AFAP1L2: variants seen among roughly 807,000 people sequenced by gnomAD.
AFAP1L2 encodes the protein actin filament associated protein 1 like 2.
In AFAP1L2, 46 loss-of-function variants were observed where a neutral mutation model predicts 99.3. The observed-to-expected ratio is 0.46, with a 90% CI of 0.37 to 0.59. The LOEUF (loss-of-function observed/expected upper bound fraction) is 0.59, where lower values mean the gene tolerates loss of function less well. Ranked by LOEUF, AFAP1L2 falls within the 20% of genes least tolerant of loss-of-function variation. The pLI, the probability that AFAP1L2 is intolerant of heterozygous loss-of-function variation, is 0.00. For synonymous variants in AFAP1L2, 397 were observed against 419.1 expected (o/e 0.95, Z 0.64); for missense variants, 959 against 1,034.9 (o/e 0.93, Z 1.01).
At chr10:114,290,862 G>C (rs1401453412), downstream of AFAP1L2, among the ~76,000 whole-genome samples, 1 of 152,186 alleles carries the variant, frequency 6.6e-6, no homozygotes. Flanking sequence ...CTAGAGGTTT[G>C]AGAGAAAAGA....
At chr10:114,339,512 T>C (rs7903446) in intron 2 of AFAP1L2, among the ~76,000 whole-genome samples, 5,073 of 152,276 alleles carry the variant, frequency 0.033, 131 homozygotes, top group African/African-American at 0.062. Context: ...TGACCAGAGA[T>C]TTCTGGGGCT....
intron 1 of AFAP1L2, among the ~76,000 whole-genome samples, chr10:114,387,686 T>C (rs556447833): frequency 3.5e-4 from 53 of 152,360 alleles, no homozygotes; most frequent in African/African-American, 1.2e-3. Flanking sequence ...ATGGTTGCAA[T>C]GTCCAAGCCT....
chr10:114,283,669 T>C, the AFAP1L2 span, among the ~76,000 whole-genome samples: 1 of 152,250 alleles, frequency 6.6e-6, no homozygotes, highest in Non-Finnish European at 1.5e-5. Context: ...TATAGGGTTT[T>C]TATAGTTCCT....
At chr10:114,337,140 C>T (rs995409556) in intron 2 of AFAP1L2, among the ~76,000 whole-genome samples, 12 of 152,178 alleles carry the variant, frequency 7.9e-5, no homozygotes, top group Non-Finnish European at 1.8e-4. Context: ...CTGTCCTGTG[C>T]GACACGACAG....
At chr10:114,361,021 C>T (rs1262206158) in intron 1 of AFAP1L2, among the ~76,000 whole-genome samples, 1 of 152,174 alleles carries the variant, frequency 6.6e-6, no homozygotes, top group African/African-American at 2.4e-5. Flanking sequence ...CTGGGGAAGC[C>T]TCACAATCAT....
chr10:114,296,906 G>A, intron 18 of AFAP1L2, 72 bp downstream of exon 18: 1 of 1,611,146 alleles, frequency 6.2e-7, no homozygotes, highest in Non-Finnish European at 8.5e-7. Flanking sequence ...AGCACCACCT[G>A]GGTCAGAAGA....
At chr10:114,404,581 G>T (rs2058554498), upstream of AFAP1L2, 8 of 1,319,888 alleles carry the variant, frequency 6.1e-6, no homozygotes, top group South Asian at 1.3e-4. Flanking sequence ...ACCTCCTGGC[G>T]GGGCCGCCGC....
intron 5 of AFAP1L2, among the ~76,000 whole-genome samples, chr10:114,321,306 C>T (rs111581806): frequency 3.9e-5 from 6 of 152,020 alleles, no homozygotes; most frequent in African/African-American, 1.5e-4. Context: ...ATCACTCATG[C>T]CTTTGGGTCT....
chr10:114,331,700 G>T (rs1564893776), intron 4 of AFAP1L2, 103 bp downstream of exon 4: 15 of 806,960 alleles, frequency 1.9e-5, no homozygotes, highest in Non-Finnish European at 2.4e-5. Flanking sequence ...CACAGTAGCT[G>T]CTCAGAAAAT....
At chr10:114,403,835 G>A (rs992075770) in intron 1 of AFAP1L2, among the ~76,000 whole-genome samples, 1 of 152,158 alleles carries the variant, frequency 6.6e-6, no homozygotes, top group African/African-American at 2.4e-5. Flanking sequence ...CACTCCATTC[G>A]GCCCCCGACC....
chr10:114,294,092 T>A (rs1564755506), downstream of AFAP1L2, among the ~76,000 whole-genome samples: 2 of 152,196 alleles, frequency 1.3e-5, no homozygotes, highest in African/African-American at 4.8e-5. Flanking sequence ...CATTTGTGTA[T>A]TTTCAATCAT....
At chr10:114,297,507 C>T in intron 16 of AFAP1L2, 94 bp from the exon 17 acceptor site, 1 of 1,326,606 alleles carries the variant, frequency 7.5e-7, no homozygotes, top group East Asian at 2.5e-5. Flanking sequence ...TACCCCGCCA[C>T]CCGAGAAGGA....
At chr10:114,344,452 T>C (rs1026888373) in intron 1 of AFAP1L2, among the ~76,000 whole-genome samples, 1 of 152,162 alleles carries the variant, frequency 6.6e-6, no homozygotes, top group Non-Finnish European at 1.5e-5. Context: ...AAAAAACCCA[T>C]AAAAACTGTA....
intron 5 of AFAP1L2, among the ~76,000 whole-genome samples, chr10:114,320,765 C>A (rs1322007556): frequency 6.6e-6 from 1 of 152,196 alleles, no homozygotes; most frequent in Non-Finnish European, 1.5e-5. Flanking sequence ...ACAAACCGGC[C>A]CCCTGGTGCG....
At chr10:114,393,782 C>G (rs2057396295) in intron 1 of AFAP1L2, among the ~76,000 whole-genome samples, 1 of 152,238 alleles carries the variant, frequency 6.6e-6, no homozygotes, top group Admixed American at 6.5e-5. Flanking sequence ...GAGCTGTTTA[C>G]AATTACATAC....
intron 7 of AFAP1L2, among the ~76,000 whole-genome samples, chr10:114,311,712 G>A (rs892981502): frequency 1.3e-5 from 2 of 152,240 alleles, no homozygotes; most frequent in Non-Finnish European, 2.9e-5. Context: ...CAGGAGTTCA[G>A]GAGTGGGGCG....
intron 1 of AFAP1L2, among the ~76,000 whole-genome samples, chr10:114,346,857 T>C (rs2049671431): frequency 1.3e-5 from 2 of 152,202 alleles, no homozygotes; most frequent in Non-Finnish European, 2.9e-5. Context: ...TGCCCTCCTC[T>C]GTGGTGAAGC....
intron 1 of AFAP1L2, among the ~76,000 whole-genome samples, chr10:114,360,562 T>TAGATAGATAGATAGAC: frequency 6.7e-6 from 1 of 150,262 alleles, no homozygotes; most frequent in South Asian, 2.1e-4. Context: ...GATAGATAGA[T>TAGATAGATAGATAGAC]AGACGGACAG....
intron 13 of AFAP1L2, among the ~76,000 whole-genome samples, chr10:114,301,086 C>T (rs2041090499): frequency 6.6e-6 from 1 of 152,162 alleles, no homozygotes; most frequent in Admixed American, 6.5e-5. Context: ...ACCTCCACTC[C>T]CAATCCCACC....
Sources: allele counts gnomAD v4.1 joint callset (sites outside exome capture counted in the v4.1 genomes callset), GRCh38; gene constraint gnomAD v4.1.1; transcripts MANE v1.5; gene names NCBI Gene and HGNC (gene_info 2026-07-23, HGNC 2026-07-21).